The following PLXNA4 variants were observed in gnomAD, a reference collection of about 807,000 sequenced individuals.
The protein encoded by PLXNA4 is plexin-A4.
Under a neutral mutation model 191.8 loss-of-function variants are expected in PLXNA4, and 44 were observed. That is an observed-to-expected ratio of 0.23 (90% CI 0.18 to 0.29). The LOEUF (loss-of-function observed/expected upper bound fraction) is 0.29. Ranked by LOEUF, PLXNA4 falls within the 10% of genes least tolerant of loss-of-function variation. The probability of loss-of-function intolerance (pLI) is 1.00; values close to 1 mark genes in which losing one functional copy is unlikely to be tolerated. For missense variants in PLXNA4, 1,800 were observed against 2,488.8 expected, an observed-to-expected ratio of 0.72 and a Z score of 5.89; for synonymous variants, 1,082 against 1,009.5, an observed-to-expected ratio of 1.07 and a Z score of -1.36.
intron 3 of PLXNA4, among the ~76,000 whole-genome samples, chr7:132,345,232 C>T (rs1253890545): frequency 6.6e-6 from 1 of 152,190 alleles, no homozygotes; most frequent in Non-Finnish European, 1.5e-5. Context: ...AAAGCACACA[C>T]AACTGCACAA....
intron 23 of PLXNA4, 89 bp downstream of exon 23, chr7:132,165,045 G>A (rs1796081491): frequency 5.3e-6 from 8 of 1,523,032 alleles, no homozygotes; most frequent in East Asian, 2.3e-5. Flanking sequence ...GGCCCAGTAA[G>A]GGAGGACTCG....
At chr7:132,272,050 C>A (rs550642882) in intron 4 of PLXNA4, among the ~76,000 whole-genome samples, 1 of 152,116 alleles carries the variant, frequency 6.6e-6, no homozygotes, top group Non-Finnish European at 1.5e-5. Flanking sequence ...ACACTTGTTA[C>A]CAGGAGGAGA....
intron 3 of PLXNA4, among the ~76,000 whole-genome samples, chr7:132,317,761 G>C (rs1225105939): frequency 6.6e-6 from 1 of 152,224 alleles, no homozygotes; most frequent in Non-Finnish European, 1.5e-5. Flanking sequence ...AAATGGAGCA[G>C]CACAAGCAAA....
Position 132,508,673 on chromosome 7 carries a change from G to A in PLXNA4, c.21C>T (p.Asn7=). Residue 7 remains asparagine (N), a synonymous_variant, in exon 2 of 32, where the codon AAC becomes AAT. Transcript: ENST00000321063. The surrounding 1 kb of genome is among the most constrained non-coding windows in gnomAD (Gnocchi z 4.4). ...GGAGGTGGGAGAGAAGGCAGGTCCA[G>A]TTCCAGGGCATGGCTTTCATGGCAG... MKAMPW[N]WTCLLSHLLM... 1.9e-6 allele frequency: 3 copies of A among 1,539,458 alleles called. No individual in the cohort carries two copies. Among genetic ancestry groups the A allele is most frequent in the South Asian group, 2.5e-5 (2 of 80,144 alleles).
chr7:132,366,960 G>C (rs1804212724), intron 3 of PLXNA4, among the ~76,000 whole-genome samples: 1 of 152,100 alleles, frequency 6.6e-6, no homozygotes, highest in South Asian at 2.1e-4. Flanking sequence ...TGTAGAGACA[G>C]GTTCTCGCTA....
chr7:132,326,985 A>T (rs1802387577), intron 3 of PLXNA4, among the ~76,000 whole-genome samples: 1 of 118,258 alleles, frequency 8.5e-6, no homozygotes, highest in Non-Finnish European at 1.9e-5. Context: ...GAAAGGAAGG[A>T]AGCGAAGGAG....
At position 132,168,338 on chromosome 7, in the gene PLXNA4, C is replaced by T. The variant is rs1394440345; in HGVS notation, c.4252G>A (p.Glu1418Lys). The T allele has an allele frequency of 2.5e-6, 4 of 1,595,322 alleles. No homozygotes were observed. The highest frequency in any genetic ancestry group is 4.5e-5 in the East Asian group (2 of 44,484). The change falls in exon 22 of 32, where the codon GAG (glutamate) becomes AAG (lysine). Residue 1418 changes from glutamate to lysine, a missense_variant. By Grantham distance (56) the Glu-to-Lys change is moderately conservative (BLOSUM62 1). Around this residue, in one of 6 missense-constraint regions of PLXNA4, gnomAD observed 1,397 missense variants for 1,880.4 expected, o/e 0.74. Transcript: ENST00000321063. Reference protein sequence around the residue: ...LLADLIDKNLESKNHPKLLLR... With the variant: ...LLADLIDKNLKSKNHPKLLLR... Reference sequence around the variant, plus strand: ...AGCAGCTTAGGGTGGTTCTTGCTCTCCAGGTTCTTGTCAATGAGGTCGGCC... The same window carrying T: ...AGCAGCTTAGGGTGGTTCTTGCTCTTCAGGTTCTTGTCAATGAGGTCGGCC...
rs751729381 is a variant in PLXNA4 at position 132,318,338 on chromosome 7, C to T, written c.1372-20116G>A. Among the ~76,000 whole-genome samples, 61 of 152,188 alleles carry T rather than the reference C, an allele frequency of 4.0e-4. 1 individual carries two copies. The highest frequency in any genetic ancestry group is 4.0e-4 in the Non-Finnish European group (27 of 68,040). On this transcript the variant is annotated intron_variant, in intron 3 of 31. Coordinates refer to ENST00000321063, the MANE Select transcript of PLXNA4 (RefSeq NM_020911.2). ...AAGGGGAAACTGAGGCAGAAAAGAG[C>T]GCAATACTGCCCAGAACCCAGAGTG...
intron 3 of PLXNA4, among the ~76,000 whole-genome samples, chr7:132,444,302 T>C (rs895567162): frequency 2.0e-5 from 3 of 152,278 alleles, no homozygotes; most frequent in Non-Finnish European, 2.9e-5. Flanking sequence ...TCTCCCAGGC[T>C]GGAGCGCAAT....
chr7:132,385,836 C>T (rs1340599069), intron 3 of PLXNA4, among the ~76,000 whole-genome samples: 1 of 152,198 alleles, frequency 6.6e-6, no homozygotes, highest in Non-Finnish European at 1.5e-5. Flanking sequence ...AAAGATAAAG[C>T]AGCTTAGGGT....
chr7:132,470,677 G>T (rs1317371616), intron 3 of PLXNA4, among the ~76,000 whole-genome samples: 1 of 152,180 alleles, frequency 6.6e-6, no homozygotes, highest in Non-Finnish European at 1.5e-5. Flanking sequence ...TAAAAGCAGA[G>T]AACTTTTCCC....
rs1190722946 is a variant in PLXNA4 at position 132,211,042 on chromosome 7, C to T, written c.2199G>A (p.Gly733=). 1 of 1,613,590 alleles carries T rather than the reference C, an allele frequency of 6.2e-7. No homozygotes were observed. The highest frequency in any genetic ancestry group is 8.5e-7 in the Non-Finnish European group (1 of 1,179,850). The change falls in exon 10 of 32, where the codon GGG becomes GGA. Residue 733 remains glycine (G), a synonymous_variant. Transcript: ENST00000321063. ...KAKNLPQPQS[G]QRGYECILNI... is the part of the protein sequence containing the mutation. The stretch of plus-strand genomic sequence containing the variant: ...TGAGGATGCATTCGTAGCCACGCTG[C>T]CCAGACTGGGGCTGGGGGAGGTTCT...
chr7:132,215,109 C>T (rs755021176), intron 9 of PLXNA4, among the ~76,000 whole-genome samples: 4 of 152,184 alleles, frequency 2.6e-5, no homozygotes, highest in Non-Finnish European at 5.9e-5. Context: ...GCAGTTCCCA[C>T]CCAGCTTATT....
chr7:132,562,622 CCTCCTCCTTCTCCTCCTCTTT>C (rs1801265200), intron 1 of PLXNA4, among the ~76,000 whole-genome samples: 1 of 123,838 alleles, frequency 8.1e-6, no homozygotes, highest in African/African-American at 3.4e-5. Context: ...TCCTCCTCTT[CCTCCTCCTTCTCCTCCTCTTT>C]CTCCTCCTCC....
intron 4 of PLXNA4, among the ~76,000 whole-genome samples, chr7:132,247,109 G>A (rs902254141): frequency 8.5e-5 from 13 of 152,130 alleles, no homozygotes; most frequent in Non-Finnish European, 1.5e-4. Flanking sequence ...TTCGAAAGAT[G>A]CTTTCCTCTG....
At chr7:132,294,945 G>A (rs1318884326) in intron 4 of PLXNA4, among the ~76,000 whole-genome samples, 2 of 152,164 alleles carry the variant, frequency 1.3e-5, no homozygotes, top group African/African-American at 4.8e-5. Flanking sequence ...CTGTGATCCT[G>A]GACTTCCAAC....
chr7:132,219,896 G>A (rs1798088630), intron 9 of PLXNA4, among the ~76,000 whole-genome samples: 1 of 152,176 alleles, frequency 6.6e-6, no homozygotes, highest in African/African-American at 2.4e-5. Context: ...GTACAGGTGT[G>A]TAGCCTAGGG....
At chr7:132,592,521 T>TC (rs1437846367) in intron 2 of PLXNA4, among the ~76,000 whole-genome samples, 2 of 127,992 alleles carry the variant, frequency 1.6e-5, no homozygotes, top group African/African-American at 4.0e-5. Context: ...AATTTAACCT[T>TC]TTTTTTTTTT....
intron 3 of PLXNA4, among the ~76,000 whole-genome samples, chr7:132,471,815 A>G (rs955813067): frequency 6.6e-6 from 1 of 152,112 alleles, no homozygotes; most frequent in Admixed American, 6.5e-5. Flanking sequence ...CTCGCTTTCC[A>G]TACCAAACAA....
Sources: gnomAD v4.1 joint callset for allele counts (sites outside exome capture counted in the v4.1 genomes callset) on GRCh38, gnomAD v4.1.1 for gene constraint, gnomAD v4.1.1 regional missense constraint, Gnocchi (gnomAD v3.1) non-coding constraint, MANE v1.5 for transcripts, NCBI Gene and HGNC (gene_info 2026-07-23, HGNC 2026-07-21) for gene names.